FBXL17: variants seen among roughly 807,000 people sequenced by gnomAD.
FBXL17 encodes the protein F-box/LRR-repeat protein 17.
Under a neutral mutation model 66.2 loss-of-function variants are expected in FBXL17, and 22 were observed. The observed-to-expected ratio is 0.33, with a 90% CI of 0.24 to 0.47. The LOEUF is 0.47. FBXL17 is among the 20% of genes least tolerant of loss of function. The probability of loss-of-function intolerance (pLI) is 1.00; values close to 1 mark genes in which losing one functional copy is unlikely to be tolerated. For missense variants in FBXL17, 878 were observed against 948.2 expected, an observed-to-expected ratio of 0.93 and a Z score of 0.97; for synonymous variants, 474 against 400.5, an observed-to-expected ratio of 1.18 and a Z score of -2.19.
rs1475870219 is a variant in FBXL17, at chr5:108,009,298, T to TAGATAG, written c.1822+11626_1822+11627insCTATCT. Among the ~76,000 whole-genome samples, 14 of 71,412 alleles carry TAGATAG rather than the reference T, an allele frequency of 2.0e-4. 2 individuals are homozygous for TAGATAG. The highest frequency in any genetic ancestry group is 9.7e-4 in the African/African-American group (14 of 14,460). 46.8% of individuals were successfully genotyped at this position (71,412 alleles called of 152,430 possible). ...ATATATATATATATATATATATATA[T>TAGATAG]ATACATATATACATACACATATAGT... On this transcript the variant is annotated intron_variant, in intron 7 of 8. Transcript: ENST00000542267.
At chr5:108,227,278 T>C (rs2966799) in intron 4 of FBXL17, among the ~76,000 whole-genome samples, 68,062 of 151,978 alleles carry the variant, frequency 0.45, 15,606 homozygotes, top group Non-Finnish European at 0.5. Context: ...TGACAGTGTT[T>C]TGTATTTCTA....
At position 108,361,361 on chromosome 5, in the gene FBXL17, T is replaced by A. The variant is rs1366885445; in HGVS notation, c.1374+3377A>T. 2.6e-5 allele frequency among the ~76,000 whole-genome samples: 4 copies of A among 152,264 alleles called. No individual in the cohort carries two copies. In the South Asian group the frequency reaches 8.3e-4, roughly 31 times the overall value. ...TAAAACAAAAAACAAAAGCACTTAT[T>A]CAAGTCTTTGCAGACTGGCTCTGTG... On this transcript the variant is annotated intron_variant, in intron 3 of 8. Coordinates refer to ENST00000542267, the MANE Select transcript of FBXL17 (RefSeq NM_001163315.3).
At chr5:108,200,137 A>G (rs1245347521) in intron 5 of FBXL17, among the ~76,000 whole-genome samples, 1 of 152,166 alleles carries the variant, frequency 6.6e-6, no homozygotes, top group Non-Finnish European at 1.5e-5. Context: ...GGAACCACGG[A>G]GGAGACAGAG....
At chr5:108,362,404 C>T (rs1356526999) in intron 3 of FBXL17, among the ~76,000 whole-genome samples, 2 of 152,092 alleles carry the variant, frequency 1.3e-5, no homozygotes, top group South Asian at 2.1e-4. Flanking sequence ...CTACTATTAT[C>T]GTTTGTTTAC....
chr5:108,214,778 A>G (rs1754530009), intron 5 of FBXL17, among the ~76,000 whole-genome samples: 1 of 152,134 alleles, frequency 6.6e-6, no homozygotes, highest in Non-Finnish European at 1.5e-5. Flanking sequence ...TTTTTTATTG[A>G]TATAAAATTT....
chr5:107,967,084 T>G (rs1286096408), intron 7 of FBXL17, among the ~76,000 whole-genome samples: 1 of 152,138 alleles, frequency 6.6e-6, no homozygotes, highest in Non-Finnish European at 1.5e-5. Context: ...CCAATTTGCT[T>G]AATTATCTAC....
intron 4 of FBXL17, among the ~76,000 whole-genome samples, chr5:108,343,044 C>T: frequency 6.6e-6 from 1 of 152,124 alleles, no homozygotes; most frequent in Non-Finnish European, 1.5e-5. Context: ...GCTTGTTTGC[C>T]TTTCTACCAT....
chr5:108,069,933 TA>T (rs1482247845), intron 6 of FBXL17, among the ~76,000 whole-genome samples: 1 of 152,182 alleles, frequency 6.6e-6, no homozygotes, highest in African/African-American at 2.4e-5. Context: ...ATAACAAAAC[TA>T]ATCTGTAGAA....
Position 108,163,792 on chromosome 5 carries a change from ATT to A in FBXL17, c.1745+22323_1745+22324del, listed in dbSNP as rs1752311047. Reference sequence around the variant, plus strand: ...CATTACATGCAAACTTCTGTGCAAAATTATATGTTAGAGGTCTAAGAAACACT... The same window carrying A: ...CATTACATGCAAACTTCTGTGCAAAAATATGTTAGAGGTCTAAGAAACACT... On this transcript the variant is annotated intron_variant, in intron 6 of 8. Transcript: ENST00000542267. 1.3e-5 allele frequency among the ~76,000 whole-genome samples: 2 copies of A among 152,188 alleles called. 1 individual carries two copies. The highest frequency in any genetic ancestry group is 4.1e-4 in the South Asian group (2 of 4,832).
rs181274908 is a variant in FBXL17, at chr5:108,065,875, G to A, written c.1746-44874C>T. ...TAAAACAACCAGGACTATCTGAACC[G>A]GAAATCCTAAAATTTCCAACAGAGT... is the stretch of plus-strand genomic sequence containing the variant. On this transcript the variant is annotated intron_variant, in intron 6 of 8. Coordinates refer to ENST00000542267, the MANE Select transcript of FBXL17 (RefSeq NM_001163315.3). 2.8e-3 allele frequency among the ~76,000 whole-genome samples: 432 copies of A among 152,080 alleles called. 2 individuals carry two copies. Among genetic ancestry groups the A allele is most frequent in the Middle Eastern group, 0.01 (3 of 294 alleles).
intron 6 of FBXL17, among the ~76,000 whole-genome samples, chr5:108,101,163 G>A (rs762584917): frequency 6.6e-6 from 1 of 152,254 alleles, no homozygotes; most frequent in Non-Finnish European, 1.5e-5. Context: ...ACTCAGAGGA[G>A]AGGCATTGAA....
intron 4 of FBXL17, among the ~76,000 whole-genome samples, chr5:108,273,621 AT>A (rs373526067): frequency 1.6e-3 from 241 of 151,784 alleles, no homozygotes; most frequent in Non-Finnish European, 2.9e-3. Flanking sequence ...TGCTTTTATT[AT>A]TCATTAACAA....
chr5:107,995,104 G>C (rs548413445), intron 7 of FBXL17, among the ~76,000 whole-genome samples: 6 of 152,154 alleles, frequency 3.9e-5, no homozygotes, highest in African/African-American at 1.4e-4. Flanking sequence ...CTTATGATAG[G>C]TGTGCAATTT....
At chr5:108,298,775 AT>A in intron 4 of FBXL17, 1 of 778,022 alleles carries the variant, frequency 1.3e-6, no homozygotes, top group East Asian at 1.3e-4. Flanking sequence ...ATTCTTAACC[AT>A]TAATCAAAAA....
chr5:108,120,668 C>CA (rs954444851), intron 6 of FBXL17, among the ~76,000 whole-genome samples: 6 of 151,862 alleles, frequency 4.0e-5, no homozygotes, highest in African/African-American at 9.7e-5. Context: ...CTTATCTCTA[C>CA]AAAAAAACAT....
At chr5:108,333,463 A>C (rs1760230835) in intron 4 of FBXL17, among the ~76,000 whole-genome samples, 1 of 152,154 alleles carries the variant, frequency 6.6e-6, no homozygotes, top group Non-Finnish European at 1.5e-5. Context: ...AATTTCAAAA[A>C]AACTCTTACA....
intron 6 of FBXL17, among the ~76,000 whole-genome samples, chr5:108,151,372 G>A (rs933405856): frequency 2.0e-5 from 3 of 152,080 alleles, no homozygotes; most frequent in African/African-American, 7.2e-5. Context: ...AAAATTACAG[G>A]ACAATCTGTC....
chr5:108,232,286 T>C (rs1755379395), intron 4 of FBXL17, among the ~76,000 whole-genome samples: 1 of 152,190 alleles, frequency 6.6e-6, no homozygotes, highest in African/African-American at 2.4e-5. Context: ...GTGTTTCCAG[T>C]TGTACAAAGG....
At chr5:107,933,179 G>A (rs1750789589) in intron 7 of FBXL17, among the ~76,000 whole-genome samples, 1 of 152,148 alleles carries the variant, frequency 6.6e-6, no homozygotes, top group Non-Finnish European at 1.5e-5. Context: ...CTTGTAAATG[G>A]TTGATTGATA....
Sources: gnomAD v4.1 joint callset for allele counts (sites outside exome capture counted in the v4.1 genomes callset) on GRCh38, gnomAD v4.1.1 for gene constraint, MANE v1.5 for transcripts, NCBI Gene and HGNC (gene_info 2026-07-23, HGNC 2026-07-21) for gene names.